ABCA4: variants seen among roughly 807,000 people sequenced by gnomAD.
The protein encoded by ABCA4 is ATP binding cassette subfamily A member 4, also known as retinal-specific phospholipid-transporting ATPase ABCA4.
In ABCA4, 196 loss-of-function variants were observed where a neutral mutation model predicts 263.7. The observed-to-expected ratio is 0.74, with a 90% CI of 0.66 to 0.84. The LOEUF (loss-of-function observed/expected upper bound fraction) is 0.84, where lower values mean the gene tolerates loss of function less well. ABCA4 is among the 40% of genes least tolerant of loss of function. ABCA4 has a pLI of 0.00. For missense variants in ABCA4, 2,792 were observed against 2,855.1 expected (o/e 0.98, Z 0.50); for synonymous variants, 1,133 against 1,094.2 (o/e 1.04, Z -0.70).
chr1:94,016,930 C>T (rs1659763471), intron 36 of ABCA4, among the ~76,000 whole-genome samples: 1 of 152,098 alleles, frequency 6.6e-6, no homozygotes, highest in Non-Finnish European at 1.5e-5. Context: ...GAATATCTTG[C>T]TGTGCCATTG....
At position 94,023,431 on chromosome 1, in the gene ABCA4, AT is replaced by A; in HGVS notation, c.4635-14del. The A allele has an allele frequency of 6.2e-7, 1 of 1,603,506 alleles. No homozygotes were observed. The highest frequency in any genetic ancestry group is 8.5e-7 in the Non-Finnish European group (1 of 1,170,710). ...TTTGCTCTTTAAGCTGAAAGCCAAA[AT>A]AAAATAATGCAATGAATACCACAAG... On this transcript the variant is annotated splice_polypyrimidine_tract_variant and intron_variant, in intron 31 of 49. Coordinates refer to ENST00000370225, the MANE Select transcript of ABCA4 (RefSeq NM_000350.3).
In ABCA4 at chr1:94,051,655, C is replaced by A; in HGVS notation, c.2631G>T (p.Glu877Asp). The change falls in exon 17 of 50, where the codon GAG (glutamate) becomes GAT (aspartate). Residue 877 changes from glutamate (E) to aspartate (D), a missense_variant. Coordinates refer to ENST00000370225, the MANE Select transcript of ABCA4 (RefSeq NM_000350.3). Reference sequence around the variant, plus strand: ...CACCTTCACCGCCAAGCCAATACGACTCTTGTAGAAGAAAGTACCAAGGAA... The same window carrying A: ...CACCTTCACCGCCAAGCCAATACGAATCTTGTAGAAGAAAGTACCAAGGAA... ...TPLPWYFLLQ[E>D]SYWLGGEGCS... The A allele has an allele frequency of 6.2e-7, 1 of 1,614,082 alleles. No individual in the cohort carries two copies. Among genetic ancestry groups the A allele is most frequent in the Non-Finnish European group, 8.5e-7 (1 of 1,179,894 alleles).
chr1:94,051,080 C>T (rs1660828284), intron 17 of ABCA4, among the ~76,000 whole-genome samples: 3 of 152,232 alleles, frequency 2.0e-5, no homozygotes. Flanking sequence ...GTGTTGTGGG[C>T]AAATGCCCTT....
chr1:94,103,249 A>C, intron 4 of ABCA4, 107 bp from the exon 5 acceptor site: 13 of 1,445,148 alleles, frequency 9.0e-6, no homozygotes, highest in Non-Finnish European at 1.2e-5. Flanking sequence ...TCTCAGAGGA[A>C]GGTTCTGTTC....
rs3789413 is a variant in ABCA4, at chr1:94,070,555, A to G, written c.1554+7135T>C. Among the ~76,000 whole-genome samples the G allele has an allele frequency of 5.4e-3, 817 of 152,332 alleles. 25 individuals are homozygous for G. Among genetic ancestry groups the G allele is most frequent in the Admixed American group, 0.047 (715 of 15,304 alleles). ...GTCTATTCTATGTGACTACAGCTCC[A>G]CTAAGGTAAGTTGGGAAGTCAAAAA... On this transcript the variant is annotated intron_variant, in intron 11 of 49. Transcript: ENST00000370225.
At position 94,036,997 on chromosome 1, in the gene ABCA4, G is replaced by T. The variant is rs558909105; in HGVS notation, c.3813+148C>A. ...AATTTGTATGCATGCAGAGATGGGG[G>T]AACTATGCCAAAAATAAAGATAGTT... is the stretch of plus-strand genomic sequence containing the variant. On this transcript the variant is annotated intron_variant, in intron 25 of 49. Coordinates refer to ENST00000370225, the MANE Select transcript of ABCA4 (RefSeq NM_000350.3). 1,260 of 944,460 alleles carry T rather than the reference G, an allele frequency of 1.3e-3. 5 individuals are homozygous for T. The highest frequency in any genetic ancestry group is 2.0e-3 in the Non-Finnish European group (1,191 of 592,440). 58.5% of individuals were successfully genotyped at this position (944,460 alleles called of 1,614,324 possible). A position where few individuals can be genotyped will look rare whatever the true frequency, so the allele number is the denominator to read the frequency against.
intron 38 of ABCA4, 89 bp downstream of exon 38, chr1:94,014,454 T>C (rs963095256): frequency 1.9e-5 from 28 of 1,462,096 alleles, no homozygotes; most frequent in East Asian, 9.1e-5. Context: ...AGCTGCTACA[T>C]GTACGATGCT....
intron 15 of ABCA4, among the ~76,000 whole-genome samples, 188 bp from the exon 16 acceptor site, chr1:94,055,503 T>C (rs1660951521): frequency 6.6e-6 from 1 of 152,174 alleles, no homozygotes; most frequent in African/African-American, 2.4e-5. Context: ...AGTGTCTCTC[T>C]GCAAACAAGA....
chr1:94,103,761 G>C (rs1171753928), intron 4 of ABCA4, among the ~76,000 whole-genome samples: 1 of 152,172 alleles, frequency 6.6e-6, no homozygotes, highest in African/African-American at 2.4e-5. Context: ...TCAGGGCACT[G>C]ACATGGACTA....
intron 30 of ABCA4, among the ~76,000 whole-genome samples, chr1:94,026,304 A>G (rs1660037668): frequency 6.6e-6 from 1 of 152,226 alleles, no homozygotes; most frequent in African/African-American, 2.4e-5. Context: ...GAGAGCTGGC[A>G]CCTACCGAAT....
At chr1:94,119,176 T>G (rs1175016928) in intron 1 of ABCA4, among the ~76,000 whole-genome samples, 2 of 152,150 alleles carry the variant, frequency 1.3e-5, no homozygotes, top group Non-Finnish European at 2.9e-5. Context: ...TCATGAGGTT[T>G]TTTTTTCCAG....
Position 94,078,623 on chromosome 1 carries a change from G to C in ABCA4, c.1323C>G (p.Phe441Leu). ...TGTTCATCTGTGTGCTGTTGTCAAA[G>C]AAGTACCAGATCTGGGGCCCTACTT... ...WEEVGPQIWY[F>L]FDNSTQMNMI... The change falls in exon 10 of 50, where the codon TTC (phenylalanine) becomes TTG (leucine). Residue 441 changes from phenylalanine to leucine, a missense_variant. By Grantham distance (22) the Phe-to-Leu change is conservative. Transcript: ENST00000370225. The C allele has an allele frequency of 4.4e-6, 6 of 1,369,382 alleles. No individual in the cohort carries two copies. Among genetic ancestry groups the C allele is most frequent in the Non-Finnish European group, 5.8e-6 (6 of 1,037,038 alleles). 84.8% of individuals were successfully genotyped at this position (1,369,382 alleles called of 1,614,324 possible).
intron 13 of ABCA4, among the ~76,000 whole-genome samples, chr1:94,062,203 A>T (rs539744664): frequency 6.6e-6 from 1 of 152,302 alleles, no homozygotes; most frequent in African/African-American, 2.4e-5. Context: ...ACAGAGTCCA[A>T]AATGAATGCT....
rs547891789 is a variant in ABCA4, at chr1:94,042,503, G to A, written c.3328+258C>T. Among the ~76,000 whole-genome samples, 178 of 152,320 alleles carry A rather than the reference G, an allele frequency of 1.2e-3. 2 individuals carry two copies. The highest frequency in any genetic ancestry group is 4.1e-3 in the African/African-American group (172 of 41,552). ...AGAGTAGCATCCATTATTCCAGACA[G>A]AAGGGCTGCAGGTCAAGAGAATTTT... is the stretch of plus-strand genomic sequence containing the variant. On this transcript the variant is annotated intron_variant, in intron 22 of 49. Coordinates refer to ENST00000370225, the MANE Select transcript of ABCA4 (RefSeq NM_000350.3).
chr1:94,046,803 C>A, intron 19 of ABCA4, 116 bp downstream of exon 19: 1 of 1,337,824 alleles, frequency 7.5e-7, no homozygotes, highest in South Asian at 1.2e-5. Flanking sequence ...TTTTTGGGGC[C>A]GCAAATATTT....
chr1:94,051,774 T>G, intron 16 of ABCA4, 76 bp from the exon 17 acceptor site: 5 of 1,120,646 alleles, frequency 4.5e-6, no homozygotes, highest in Non-Finnish European at 6.8e-6. Context: ...CTATAAGATC[T>G]AGAGTTTATT....
At chr1:94,055,755 T>A (rs1037437340) in intron 15 of ABCA4, among the ~76,000 whole-genome samples, 1 of 152,226 alleles carries the variant, frequency 6.6e-6, no homozygotes. Context: ...ATGGCAGCAA[T>A]TGATTTCTTA....
chr1:93,997,927 G>A lies in ABCA4; in HGVS notation c.6663C>T (p.Leu2221=). ...GCAGGCTGTCCTTGTGGGAGAGGAG[G>A]AGCTGGAAGATCCTCGCCAGGGAGG... ...SSSSLARIFQ[L]LLSHKDSLLI... Residue 2221 remains leucine, a synonymous_variant, in exon 48 of 50, where the codon CTC becomes CTT. Transcript: ENST00000370225. 1 of 1,614,074 alleles carries A rather than the reference G, an allele frequency of 6.2e-7. No homozygotes were observed. Among genetic ancestry groups the A allele is most frequent in the Admixed American group, 1.7e-5 (1 of 60,028 alleles).
chr1:94,077,435 A>C (rs1293626844), intron 11 of ABCA4, among the ~76,000 whole-genome samples: 1 of 152,192 alleles, frequency 6.6e-6, no homozygotes, highest in Non-Finnish European at 1.5e-5. Flanking sequence ...CAGATGCTTA[A>C]AGGGGGCTAC....
Sources: allele counts gnomAD v4.1 joint callset (sites outside exome capture counted in the v4.1 genomes callset), GRCh38; gene constraint gnomAD v4.1.1; transcripts MANE v1.5; gene names NCBI Gene and HGNC (gene_info 2026-07-23, HGNC 2026-07-21).